The following GKAP1 variants were observed in gnomAD, a reference collection of about 807,000 sequenced individuals.
GKAP1 encodes G kinase-anchoring protein 1.
GKAP1 carries 31 observed loss-of-function variants against 56.7 expected under a neutral mutation model. The observed-to-expected ratio is 0.55, with a 90% CI of 0.41 to 0.74. GKAP1 has a LOEUF of 0.74. Ranked by LOEUF, GKAP1 falls within the 30% of genes least tolerant of loss-of-function variation. GKAP1 has a pLI of 0.00. For synonymous variants in GKAP1, 151 were observed against 138.6 expected (o/e 1.09, Z -0.63); for missense variants, 364 against 402.3 (o/e 0.90, Z 0.82).
In GKAP1 at chr9:83,775,896, A is replaced by C. The variant is rs959569914; in HGVS notation, c.585+4486T>G. 4.2e-4 allele frequency among the ~76,000 whole-genome samples: 63 copies of C among 151,100 alleles called. No individual in the cohort carries two copies. In the South Asian group the frequency reaches 0.012, roughly 28 times the overall value. The stretch of plus-strand genomic sequence containing the variant: ...TCTCAAAAAAAAAAAAAAAAAAAAA[A>C]AAAGAGAGAGAAAAGAAAAGAAAAA... On this transcript the variant is annotated intron_variant, in intron 7 of 12. Transcript: ENST00000376371.
rs777216365 is a variant in GKAP1 at position 83,814,094 on chromosome 9, T to C, written c.-44+2902A>G. 3.2e-4 allele frequency among the ~76,000 whole-genome samples: 49 copies of C among 152,144 alleles called. 1 individual carries two copies. Among genetic ancestry groups the C allele is most frequent in the Admixed American group, 5.9e-4 (9 of 15,298 alleles). On this transcript the variant is annotated intron_variant, in intron 2 of 12. Coordinates refer to ENST00000376371, the MANE Select transcript of GKAP1 (RefSeq NM_025211.4). ...ACCTTGGGTTACAGCCTGAGACCCT[T>C]TGTCAAAGAAGAAAAAGAAAAAAAA...
Position 83,791,218 on chromosome 9 carries a change from C to T in GKAP1, c.361-2540G>A, listed in dbSNP as rs544906419. Among the ~76,000 whole-genome samples, 18 of 152,048 alleles carry T rather than the reference C, an allele frequency of 1.2e-4. No homozygotes were observed. The South Asian group carries it at 2.3e-3, about 19-fold the overall frequency. ...GAGATCAAGACCATCCTGGCTAACA[C>T]GGTGAAACCCCGTCTCTACTAAAAA... On this transcript the variant is annotated intron_variant, in intron 4 of 12. Transcript: ENST00000376371.
chr9:83,782,184 G>A (rs2131289896), intron 6 of GKAP1, among the ~76,000 whole-genome samples: 1 of 151,530 alleles, frequency 6.6e-6, no homozygotes, highest in African/African-American at 2.4e-5. Context: ...TCACTCTGTT[G>A]CCTAGGCTAG....
chr9:83,797,558 C>G (rs1026376455), intron 4 of GKAP1, among the ~76,000 whole-genome samples: 1 of 152,198 alleles, frequency 6.6e-6, no homozygotes, highest in African/African-American at 2.4e-5. Context: ...AAGTGAGTCT[C>G]CCACATAAGG....
At chr9:83,739,801 C>A in intron 12 of GKAP1, 57 bp from the exon 13 acceptor site, 1 of 1,415,034 alleles carries the variant, frequency 7.1e-7, no homozygotes, top group South Asian at 1.2e-5. Flanking sequence ...TTTGGGACCA[C>A]TTCATTTAAA....
intron 4 of GKAP1, among the ~76,000 whole-genome samples, chr9:83,794,731 G>A (rs1162911046): frequency 6.6e-6 from 1 of 152,130 alleles, no homozygotes; most frequent in Non-Finnish European, 1.5e-5. Context: ...AAGGTACACT[G>A]GAATCAATAG....
chr9:83,774,543 G>T (rs1442787080), intron 7 of GKAP1, among the ~76,000 whole-genome samples: 1 of 150,856 alleles, frequency 6.6e-6, no homozygotes, highest in Admixed American at 6.6e-5. Flanking sequence ...GCAGTAAGCT[G>T]AGACCGTGCC....
intron 8 of GKAP1, among the ~76,000 whole-genome samples, chr9:83,759,270 TA>T (rs1943530076): frequency 6.6e-6 from 1 of 152,158 alleles, no homozygotes; most frequent in Non-Finnish European, 1.5e-5. Flanking sequence ...AATTTTTATT[TA>T]TTTTTTTGAG....
chr9:83,756,036 C>A (rs1193142490), intron 8 of GKAP1, among the ~76,000 whole-genome samples: 1 of 152,000 alleles, frequency 6.6e-6, no homozygotes, highest in Non-Finnish European at 1.5e-5. Flanking sequence ...AACTCCAGAT[C>A]TCAGGCGATC....
chr9:83,743,091 A>T (rs987811768), intron 10 of GKAP1, among the ~76,000 whole-genome samples: 2 of 152,128 alleles, frequency 1.3e-5, no homozygotes, highest in African/African-American at 4.8e-5. Flanking sequence ...TCAACTGGGG[A>T]GGTGGTGGTT....
chr9:83,810,804 G>A (rs894916277), intron 2 of GKAP1, among the ~76,000 whole-genome samples: 1 of 152,342 alleles, frequency 6.6e-6, no homozygotes, highest in Middle Eastern at 3.4e-3. Flanking sequence ...ATCACTTAAT[G>A]ATGGGGATAC....
chr9:83,762,821 G>A (rs1174752282), intron 8 of GKAP1, among the ~76,000 whole-genome samples: 3 of 152,108 alleles, frequency 2.0e-5, no homozygotes, highest in Non-Finnish European at 4.4e-5. Flanking sequence ...TTCGATAAAT[G>A]GCACTGGGAA....
intron 7 of GKAP1, among the ~76,000 whole-genome samples, chr9:83,779,503 A>ATATACATGTGTATATATATACACGTG (rs1564201635): frequency 7.3e-6 from 1 of 137,254 alleles, no homozygotes; most frequent in Non-Finnish European, 1.6e-5. Context: ...ACATATACAC[A>ATATACATGTGTATATATATACACGTG]TATATGTGTA....
chr9:83,793,984 T>C (rs951134138), intron 4 of GKAP1, among the ~76,000 whole-genome samples: 4 of 151,986 alleles, frequency 2.6e-5, no homozygotes, highest in Admixed American at 2.0e-4. Context: ...CTGGGCAACA[T>C]GGCAAAACCC....
intron 9 of GKAP1, among the ~76,000 whole-genome samples, chr9:83,750,460 T>TATA (rs1435145850): frequency 4.6e-5 from 7 of 152,216 alleles, no homozygotes; most frequent in African/African-American, 1.7e-4. Flanking sequence ...TCTTACACTC[T>TATA]ATACTTATCC....
intron 10 of GKAP1, among the ~76,000 whole-genome samples, chr9:83,743,163 T>TA (rs201581303): frequency 1.3e-5 from 2 of 150,672 alleles, no homozygotes; most frequent in South Asian, 2.1e-4. Flanking sequence ...ACTCTGTCAA[T>TA]AAAAAAATAC....
At chr9:83,766,678 A>G (rs1048435252) in intron 8 of GKAP1, among the ~76,000 whole-genome samples, 2 of 152,224 alleles carry the variant, frequency 1.3e-5, no homozygotes, top group African/African-American at 4.8e-5. Flanking sequence ...GAAAAGATGG[A>G]AACAGATGGG....
At position 83,764,647 on chromosome 9, in the gene GKAP1, T is replaced by C. The variant is rs189535861; in HGVS notation, c.738+4171A>G. 2.6e-5 allele frequency among the ~76,000 whole-genome samples: 4 copies of C among 152,248 alleles called. No homozygotes were observed. The East Asian group carries it at 7.7e-4, about 29-fold the overall frequency. Reference sequence around the variant, plus strand: ...AGGAAAATGTGGGAAAATCTGGAACTTCCTAGAGACTTGTTGAATGACAAT... The same window carrying C: ...AGGAAAATGTGGGAAAATCTGGAACCTCCTAGAGACTTGTTGAATGACAAT... On this transcript the variant is annotated intron_variant, in intron 8 of 12. Coordinates refer to ENST00000376371, the MANE Select transcript of GKAP1 (RefSeq NM_025211.4).
chr9:83,741,358 TCTCACACA>T (rs60315591), intron 12 of GKAP1, among the ~76,000 whole-genome samples: 48,401 of 147,564 alleles, frequency 0.33, 8,227 homozygotes, highest in East Asian at 0.49. Flanking sequence ...TAAATATATC[TCTCACACA>T]CACACACACA....
Sources: allele counts gnomAD v4.1 joint callset (sites outside exome capture counted in the v4.1 genomes callset), GRCh38; gene constraint gnomAD v4.1.1; transcripts MANE v1.5; gene names NCBI Gene and HGNC (gene_info 2026-07-23, HGNC 2026-07-21).